GOLGA3: variants seen among roughly 807,000 people sequenced by gnomAD.
GOLGA3 encodes golgin subfamily A member 3.
GOLGA3 carries 75 observed loss-of-function variants against 169.4 expected under a neutral mutation model. The observed-to-expected ratio is 0.44, with a 90% CI of 0.37 to 0.54. GOLGA3 has a LOEUF of 0.54. GOLGA3 is among the 20% of genes least tolerant of loss of function. GOLGA3 has a pLI of 0.00. For missense variants in GOLGA3, 1,899 were observed against 1,930.0 expected (o/e 0.98, Z 0.30); for synonymous variants, 824 against 822.4 (o/e 1.00, Z -0.03).
At chr12:132,802,367 C>T (rs1248819018) in intron 7 of GOLGA3, among the ~76,000 whole-genome samples, 3 of 91,766 alleles carry the variant, frequency 3.3e-5, no homozygotes, top group East Asian at 3.4e-4. Context: ...TGGCCGGACA[C>T]GGGGGTGCAG....
Position 132,772,442 on chromosome 12 carries a change from G to T in GOLGA3, c.*663C>A, listed in dbSNP as rs3182579. On this transcript the variant is annotated 3_prime_UTR_variant, in exon 24 of 24. Coordinates refer to ENST00000450791, the MANE Select transcript of GOLGA3 (RefSeq NM_001389683.1). ...GCCTGTAATCCCAGCTACTCGAGAG[G>T]CTGAGGCAGGAGAATCGCATGAACC... 6.6e-6 allele frequency: 1 copy of T among 151,250 alleles called. No homozygotes were observed. The highest frequency in any genetic ancestry group is 2.1e-4 in the South Asian group (1 of 4,774). The allele number at this position is 151,250 out of a possible 1,614,324, so 9.4% of individuals were successfully genotyped here. A position where few individuals can be genotyped will look rare whatever the true frequency, so the allele number is the denominator to read the frequency against.
chr12:132,806,610 G>A (rs778261067), intron 6 of GOLGA3, among the ~76,000 whole-genome samples: 7 of 152,224 alleles, frequency 4.6e-5, no homozygotes, highest in Non-Finnish European at 7.3e-5. Flanking sequence ...GGGCCTGGGT[G>A]CATTCTCACC....
At chr12:132,796,277 C>T in intron 10 of GOLGA3, 57 bp from the exon 11 acceptor site, 2 of 1,516,264 alleles carry the variant, frequency 1.3e-6, no homozygotes, top group South Asian at 1.3e-5. Context: ...AGAGCGTATG[C>T]CCTTTTCCTG....
At chr12:132,786,612 T>C in intron 14 of GOLGA3, 57 bp from the exon 15 acceptor site, 1 of 1,594,088 alleles carries the variant, frequency 6.3e-7, no homozygotes, top group Non-Finnish European at 8.6e-7. Flanking sequence ...TGTGACCGTC[T>C]GGCATTCTGG....
At chr12:132,802,448 G>C (rs893994594) in intron 7 of GOLGA3, among the ~76,000 whole-genome samples, 3 of 146,978 alleles carry the variant, frequency 2.0e-5, no homozygotes, top group Non-Finnish European at 4.4e-5. Flanking sequence ...GCAACACAGC[G>C]AGATCCCCCA....
At chr12:132,775,646 T>G (rs1189820577) in intron 21 of GOLGA3, among the ~76,000 whole-genome samples, 2 of 152,178 alleles carry the variant, frequency 1.3e-5, no homozygotes, top group African/African-American at 2.4e-5. Context: ...CAGGCTGGAG[T>G]GCAGTGGTCC....
Position 132,822,174 on chromosome 12 carries a change from A to T in GOLGA3, c.-46T>A. On this transcript the variant is annotated 5_prime_UTR_variant, in exon 2 of 24. Coordinates refer to ENST00000450791, the MANE Select transcript of GOLGA3 (RefSeq NM_001389683.1). ...AGCTGACGCTGAGGGGCTACAAGTG[A>T]ACCTTGGACAAGCTTGGCTTCTGCC... 6.4e-7 allele frequency: 1 copy of T among 1,566,192 alleles called. No homozygotes were observed.
chr12:132,821,662 G>A (rs1202382128), intron 2 of GOLGA3, among the ~76,000 whole-genome samples: 1 of 151,780 alleles, frequency 6.6e-6, no homozygotes, highest in Non-Finnish European at 1.5e-5. Flanking sequence ...AGACCATCTT[G>A]GCTAACACGG....
intron 15 of GOLGA3, 41 bp downstream of exon 15, chr12:132,786,298 G>T (rs750502119): frequency 2.0e-5 from 28 of 1,379,130 alleles, no homozygotes; most frequent in Middle Eastern, 5.0e-4. Context: ...CTGCACTGAG[G>T]GGCTGGTGAC....
intron 15 of GOLGA3, among the ~76,000 whole-genome samples, chr12:132,785,564 C>T (rs188736041): frequency 1.3e-5 from 2 of 152,296 alleles, no homozygotes; most frequent in East Asian, 3.9e-4. Context: ...CCTCCTGCCT[C>T]AGCCTCCCAA....
chr12:132,782,241 A>C, intron 17 of GOLGA3, 55 bp downstream of exon 17: 1 of 1,425,384 alleles, frequency 7.0e-7, no homozygotes, highest in Non-Finnish European at 9.9e-7. Context: ...CGGAGTGCGC[A>C]CAGCCCCACC....
At chr12:132,823,046 G>C (rs1020108085) in intron 1 of GOLGA3, among the ~76,000 whole-genome samples, 1 of 152,234 alleles carries the variant, frequency 6.6e-6, no homozygotes. Context: ...CTCAGATCCA[G>C]AGAAACAAAA....
At position 132,777,704 on chromosome 12, in the gene GOLGA3, G is replaced by C. The variant is rs575401085; in HGVS notation, c.3684C>G (p.His1228Gln). The change falls in exon 19 of 24, where the codon CAC becomes CAG. Residue 1228 changes from histidine to glutamine, a missense_variant. Physicochemically the swap from His to Gln is conservative, Grantham distance 24 (BLOSUM62 0). Coordinates refer to ENST00000450791, the MANE Select transcript of GOLGA3 (RefSeq NM_001389683.1). This position sits in a 1 kb window ranked among gnomAD's most constrained non-coding sequence, Gnocchi z 4.7. ...EVKKELQAKE[H>Q]LVQKLQAEAD... Reference sequence around the variant, plus strand: ...CCTCGGCCTGCAGCTTCTGCACCAGGTGTTCCTTGGCCTGCAGCTCCTTCT... The same window carrying C: ...CCTCGGCCTGCAGCTTCTGCACCAGCTGTTCCTTGGCCTGCAGCTCCTTCT... 8 of 1,614,132 alleles carry C rather than the reference G, an allele frequency of 5.0e-6. No individual in the cohort carries two copies. In the East Asian group the frequency reaches 1.8e-4, roughly 36 times the overall value.
At chr12:132,791,347 G>T (rs377368341) in intron 11 of GOLGA3, 54 bp from the exon 12 acceptor site, 3 of 984,910 alleles carry the variant, frequency 3.0e-6, no homozygotes, top group African/African-American at 3.2e-5. Context: ...AGGGGAATCT[G>T]TCTGCACAGA....
At chr12:132,808,722 G>T (rs1949551049) in intron 4 of GOLGA3, among the ~76,000 whole-genome samples, 173 bp from the exon 5 acceptor site, 1 of 152,176 alleles carries the variant, frequency 6.6e-6, no homozygotes, top group Non-Finnish European at 1.5e-5. Flanking sequence ...ATCCGTGGTG[G>T]TCTCACTGCC....
intron 12 of GOLGA3, among the ~76,000 whole-genome samples, chr12:132,789,880 A>G (rs2046131589): frequency 1.3e-5 from 2 of 152,100 alleles, no homozygotes; most frequent in Middle Eastern, 3.2e-3. Flanking sequence ...AAAAATACAA[A>G]AAACTAGCCA....
chr12:132,776,808 C>T (rs781310751), intron 20 of GOLGA3, 52 bp from the exon 21 acceptor site: 8 of 1,600,280 alleles, frequency 5.0e-6, no homozygotes, highest in South Asian at 2.2e-5. Flanking sequence ...GGCTTTACTG[C>T]CCTGGAAAAT....
intron 1 of GOLGA3, among the ~76,000 whole-genome samples, chr12:132,823,347 C>A (rs1169364587): frequency 2.6e-5 from 4 of 152,256 alleles, no homozygotes; most frequent in African/African-American, 7.2e-5. Flanking sequence ...AGCTTCCATT[C>A]ATTCTGCAGA....
intron 2 of GOLGA3, among the ~76,000 whole-genome samples, chr12:132,818,413 C>T (rs1475535820): frequency 6.6e-6 from 1 of 152,206 alleles, no homozygotes; most frequent in Non-Finnish European, 1.5e-5. Flanking sequence ...GTGCCCACCA[C>T]CACACCTGGC....
Sources: gnomAD v4.1 joint callset for allele counts (sites outside exome capture counted in the v4.1 genomes callset) on GRCh38, gnomAD v4.1.1 for gene constraint, Gnocchi (gnomAD v3.1) non-coding constraint, MANE v1.5 for transcripts, NCBI Gene and HGNC (gene_info 2026-07-23, HGNC 2026-07-21) for gene names.